CDH4: variants seen among roughly 807,000 people sequenced by gnomAD.
CDH4 encodes the protein cadherin-4.
In CDH4, 33 loss-of-function variants were observed where a neutral mutation model predicts 86.0. That is an observed-to-expected ratio of 0.38 (90% confidence interval 0.29 to 0.51). The LOEUF is 0.51. Ranked by LOEUF, CDH4 falls within the 20% of genes least tolerant of loss-of-function variation. The pLI is 0.86. For missense variants in CDH4, 1,114 were observed against 1,307.4 expected (o/e 0.85, Z 2.28); for synonymous variants, 555 against 549.4 (o/e 1.01, Z -0.14).
chr20:61,923,302 C>T, intron 9 of CDH4, 149 bp from the exon 10 acceptor site: 1 of 786,704 alleles, frequency 1.3e-6, no homozygotes. Context: ...GAGATGGGAC[C>T]CTTTGGGGCC....
chr20:61,568,287 C>T (rs2086315261), intron 2 of CDH4, among the ~76,000 whole-genome samples: 1 of 152,140 alleles, frequency 6.6e-6, no homozygotes, highest in South Asian at 2.1e-4. Context: ...GGGTGATTTC[C>T]CCATGCTCTT....
At chr20:61,796,422 C>T (rs936512782) in intron 4 of CDH4, among the ~76,000 whole-genome samples, 5 of 152,150 alleles carry the variant, frequency 3.3e-5, no homozygotes, top group African/African-American at 1.2e-4. Context: ...CTGACACAGA[C>T]GTCACTACCC....
At chr20:61,647,540 CCT>C (rs1431455082) in intron 2 of CDH4, among the ~76,000 whole-genome samples, 1 of 115,818 alleles carries the variant, frequency 8.6e-6, no homozygotes, top group Non-Finnish European at 1.8e-5. Context: ...TCTCCCTCTC[CCT>C]CTCCCTCTCC....
intron 2 of CDH4, among the ~76,000 whole-genome samples, chr20:61,630,356 A>C (rs73304701): frequency 4.5e-4 from 68 of 152,328 alleles, no homozygotes; most frequent in African/African-American, 1.4e-3. Context: ...CTGGGGCCCC[A>C]GGATGCTCTT....
chr20:61,809,215 G>C lies in CDH4; in HGVS notation c.577-35453G>C, dbSNP rs376404252. ...ATTCAGACGTGTTTCTAGGAAGGAC[G>C]TGCTGTCATGACCCGCCATGGTGGT... On this transcript the variant is annotated intron_variant, in intron 4 of 15. Coordinates refer to ENST00000614565, the MANE Select transcript of CDH4 (RefSeq NM_001794.5). Among the ~76,000 whole-genome samples the C allele has an allele frequency of 3.3e-5, 5 of 152,334 alleles. No individual in the cohort carries two copies. The South Asian group carries it at 6.2e-4, about 19-fold the overall frequency.
At chr20:61,445,545 C>T (rs1009882160) in intron 2 of CDH4, among the ~76,000 whole-genome samples, 1 of 152,054 alleles carries the variant, frequency 6.6e-6, no homozygotes, top group African/African-American at 2.4e-5. Flanking sequence ...CCTGGCTTCC[C>T]TCCGGCCCCT....
At chr20:61,454,824 A>G (rs1179973557) in intron 2 of CDH4, among the ~76,000 whole-genome samples, 4 of 152,076 alleles carry the variant, frequency 2.6e-5, no homozygotes, top group Non-Finnish European at 5.9e-5. Context: ...AGGAGCCTGT[A>G]CCTGGTGTTC....
chr20:61,744,445 AGAGG>A (rs1411289271), intron 3 of CDH4, among the ~76,000 whole-genome samples: 2 of 60,818 alleles, frequency 3.3e-5, no homozygotes, highest in African/African-American at 1.6e-4. Flanking sequence ...GGAGAGGAAG[AGAGG>A]GAGAGAGAGA....
chr20:61,482,500 G>A lies in CDH4; in HGVS notation c.169+227563G>A, dbSNP rs2085573535. On this transcript the variant is annotated intron_variant, in intron 2 of 15. Coordinates refer to ENST00000614565, the MANE Select transcript of CDH4 (RefSeq NM_001794.5). ...CTTGAGCGGAGGCCTGGACGCGCCTGTGCAGCAGGTTGGCCCTCTTTTACT... is the reference window on the plus strand; with the variant it reads ...CTTGAGCGGAGGCCTGGACGCGCCTATGCAGCAGGTTGGCCCTCTTTTACT... Among the ~76,000 whole-genome samples the A allele has an allele frequency of 2.6e-5, 4 of 152,202 alleles. No individual in the cohort carries two copies. The South Asian group carries it at 8.3e-4, about 32-fold the overall frequency.
rs1011278124 is a variant in CDH4 at position 61,871,073 on chromosome 20, C to CAG, written c.878-2645_878-2644dup. Among the ~76,000 whole-genome samples, 4 of 146,042 alleles carry CAG rather than the reference C, an allele frequency of 2.7e-5. No individual in the cohort carries two copies. The South Asian group carries it at 6.6e-4, about 24-fold the overall frequency. On this transcript the variant is annotated intron_variant, in intron 6 of 15. Transcript: ENST00000614565. ...TGTGTGTGTGTGTGTGTGTACATAT[C>CAG]AGAGAGAGAGACAGAGACAGAGCTC...
At chr20:61,677,918 C>T (rs1600865502) in intron 2 of CDH4, among the ~76,000 whole-genome samples, 1 of 151,238 alleles carries the variant, frequency 6.6e-6, no homozygotes, top group Non-Finnish European at 1.5e-5. Context: ...GTGATAGATA[C>T]ATTAGATAGA....
At chr20:61,633,892 C>T (rs1600825139) in intron 2 of CDH4, among the ~76,000 whole-genome samples, 1 of 152,196 alleles carries the variant, frequency 6.6e-6, no homozygotes, top group East Asian at 1.9e-4. Flanking sequence ...TCTAATTGCT[C>T]TCAGAAACAC....
intron 2 of CDH4, among the ~76,000 whole-genome samples, chr20:61,280,410 G>A (rs2084252361): frequency 6.6e-6 from 1 of 152,226 alleles, no homozygotes; most frequent in Non-Finnish European, 1.5e-5. Context: ...ACGCGTGTGA[G>A]GACGCCAGGT....
At chr20:61,383,405 A>AT (rs2084921501) in intron 2 of CDH4, among the ~76,000 whole-genome samples, 1 of 64,966 alleles carries the variant, frequency 1.5e-5, no homozygotes, top group Non-Finnish European at 2.4e-5. Context: ...GATATATATG[A>AT]ATATATATGA....
At chr20:61,408,270 A>T (rs2085095377) in intron 2 of CDH4, among the ~76,000 whole-genome samples, 1 of 152,136 alleles carries the variant, frequency 6.6e-6, no homozygotes, top group Admixed American at 6.5e-5. Flanking sequence ...TCTGGAGGTT[A>T]GGGCGTGGGC....
rs146420462 is a variant in CDH4 at position 61,612,081 on chromosome 20, G to A, written c.170-131482G>A. On this transcript the variant is annotated intron_variant, in intron 2 of 15. Transcript: ENST00000614565. ...AAGTCTCCAATCTAGTACAATTATG[G>A]AATTTAAAAATTTTTTTTGAGTCAT... 4.5e-3 allele frequency among the ~76,000 whole-genome samples: 690 copies of A among 152,028 alleles called. 16 individuals carry two copies. The highest frequency in any genetic ancestry group is 0.015 in the African/African-American group (637 of 41,380).
At chr20:61,780,887 G>A (rs1978504112) in intron 4 of CDH4, among the ~76,000 whole-genome samples, 1 of 152,226 alleles carries the variant, frequency 6.6e-6, no homozygotes, top group Admixed American at 6.5e-5. Flanking sequence ...GGTCACAGGA[G>A]CTGTAAGATG....
intron 2 of CDH4, among the ~76,000 whole-genome samples, chr20:61,604,221 C>T (rs1227040672): frequency 6.6e-6 from 1 of 152,218 alleles, no homozygotes; most frequent in African/African-American, 2.4e-5. Context: ...AATCCTGAGT[C>T]AGTGACTGTC....
At chr20:61,712,755 C>T (rs551948380) in intron 2 of CDH4, among the ~76,000 whole-genome samples, 2 of 152,164 alleles carry the variant, frequency 1.3e-5, no homozygotes, top group Non-Finnish European at 2.9e-5. Flanking sequence ...AGGGGCAGCC[C>T]CCATCACGGA....
Sources: gnomAD v4.1 joint callset for allele counts (sites outside exome capture counted in the v4.1 genomes callset) on GRCh38, gnomAD v4.1.1 for gene constraint, MANE v1.5 for transcripts, NCBI Gene and HGNC (gene_info 2026-07-23, HGNC 2026-07-21) for gene names.